Variants in MAP4 observed in about 807,000 individuals in gnomAD.
MAP4 encodes microtubule-associated protein 4.
In MAP4, 76 loss-of-function variants were observed where a neutral mutation model predicts 170.2. The observed-to-expected ratio is 0.45, with a 90% CI of 0.37 to 0.54. MAP4 has a LOEUF of 0.54. Ranked by LOEUF, MAP4 falls within the 20% of genes least tolerant of loss-of-function variation. The pLI is 0.00. For synonymous variants in MAP4, 909 were observed against 994.5 expected (o/e 0.91, Z 1.62); for missense variants, 2,506 against 2,748.0 (o/e 0.91, Z 1.97).
chr3:47,961,943 T>G (rs911293099), intron 3 of MAP4, among the ~76,000 whole-genome samples: 5 of 152,204 alleles, frequency 3.3e-5, no homozygotes, highest in African/African-American at 1.2e-4. Context: ...CCCTGCTGAT[T>G]GGAACAAGAT....
chr3:48,010,477 G>A (rs2154429391), intron 1 of MAP4, among the ~76,000 whole-genome samples: 1 of 152,230 alleles, frequency 6.6e-6, no homozygotes, highest in Non-Finnish European at 1.5e-5. Flanking sequence ...AATAGTATTT[G>A]GGTTGGGGAT....
rs185463226 is a variant in MAP4 at position 47,998,364 on chromosome 3, C to T, written c.223+274G>A. The stretch of plus-strand genomic sequence containing the variant: ...CAAAGCTACTTTCAGAGAAAAGGCA[C>T]AGTAGACAGTTTAATTTAGGAAATT... On this transcript the variant is annotated intron_variant, in intron 2 of 20. Transcript: ENST00000683076. Among the ~76,000 whole-genome samples, 68 of 152,198 alleles carry T rather than the reference C, an allele frequency of 4.5e-4. 1 individual carries two copies. Among genetic ancestry groups the T allele is most frequent in the Non-Finnish European group, 9.0e-4 (61 of 67,994 alleles).
intron 1 of MAP4, among the ~76,000 whole-genome samples, chr3:48,078,925 T>C (rs1308635669): frequency 1.3e-5 from 2 of 152,056 alleles, no homozygotes; most frequent in Non-Finnish European, 2.9e-5. Context: ...ATCCTCAGCA[T>C]GTTAGGAGGC....
At chr3:47,929,404 C>T (rs576471225) in intron 3 of MAP4, among the ~76,000 whole-genome samples, 58 of 151,976 alleles carry the variant, frequency 3.8e-4, no homozygotes, top group African/African-American at 1.3e-3. Flanking sequence ...AGGTTCAGAA[C>T]GTGGTACTGG....
At chr3:48,051,607 C>G (rs1360734946) in intron 1 of MAP4, among the ~76,000 whole-genome samples, 1 of 152,114 alleles carries the variant, frequency 6.6e-6, no homozygotes, top group Non-Finnish European at 1.5e-5. Flanking sequence ...GTCTATACAG[C>G]TATGTGAAGT....
intron 1 of MAP4, among the ~76,000 whole-genome samples, chr3:48,075,001 A>T (rs1029438398): frequency 2.9e-4 from 44 of 152,134 alleles, no homozygotes; most frequent in African/African-American, 1.0e-3. Context: ...AAAGTTGCCA[A>T]GTTAATCCTA....
chr3:48,040,008 C>T (rs2154530183), intron 1 of MAP4, among the ~76,000 whole-genome samples: 1 of 152,240 alleles, frequency 6.6e-6, no homozygotes, highest in South Asian at 2.1e-4. Flanking sequence ...CAGTCATTGG[C>T]TCTATAACTG....
At chr3:48,077,035 T>C (rs2100144287) in intron 1 of MAP4, among the ~76,000 whole-genome samples, 1 of 152,120 alleles carries the variant, frequency 6.6e-6, no homozygotes, top group South Asian at 2.1e-4. Context: ...CAATGCCAGC[T>C]ATCCAGAAGG....
intron 1 of MAP4, among the ~76,000 whole-genome samples, chr3:48,061,577 C>CA (rs1227017778): frequency 4.6e-5 from 7 of 152,216 alleles, no homozygotes; most frequent in African/African-American, 1.7e-4. Context: ...CTTGGCCTCC[C>CA]AAAGTGCCAA....
In MAP4 at chr3:47,928,147, T is replaced by C. The variant is rs1348195245; in HGVS notation, c.415+81A>G. 4 of 1,557,946 alleles carry C rather than the reference T, an allele frequency of 2.6e-6. No homozygotes were observed. In the Admixed American group the frequency reaches 7.0e-5, roughly 27 times the overall value. ...GTGATCTATACTTAAGCTAAAGCATTTTCATCTGAATGGTGGTTGTAGCTT... is the reference window on the plus strand; with the variant it reads ...GTGATCTATACTTAAGCTAAAGCATCTTCATCTGAATGGTGGTTGTAGCTT... On this transcript the variant is annotated intron_variant, in intron 4 of 20. Transcript: ENST00000683076.
At chr3:47,887,932 A>G (rs2097886505) in intron 10 of MAP4, among the ~76,000 whole-genome samples, 1 of 151,944 alleles carries the variant, frequency 6.6e-6, no homozygotes, top group South Asian at 2.1e-4. Context: ...GAATGCACCA[A>G]TCGACACTCT....
chr3:47,867,772 G>A (rs965836396), intron 16 of MAP4, among the ~76,000 whole-genome samples: 1 of 152,214 alleles, frequency 6.6e-6, no homozygotes, highest in Non-Finnish European at 1.5e-5. Flanking sequence ...CAAAGAGGGT[G>A]CTTCCCTTAA....
chr3:47,888,935 T>G (rs1170189828), intron 10 of MAP4, among the ~76,000 whole-genome samples: 2 of 152,206 alleles, frequency 1.3e-5, no homozygotes, highest in Non-Finnish European at 2.9e-5. Context: ...TGGACCAAGC[T>G]GAGCCAATAA....
chr3:47,867,463 C>A (rs1174628874), intron 16 of MAP4, 125 bp from the exon 17 acceptor site: 1 of 709,882 alleles, frequency 1.4e-6, no homozygotes, highest in East Asian at 2.6e-5. Flanking sequence ...AACCTCCACC[C>A]CCACCTTCTA....
chr3:47,909,001 C>A, intron 9 of MAP4, 37 bp downstream of exon 9: 1 of 1,577,724 alleles, frequency 6.3e-7, no homozygotes, highest in Non-Finnish European at 8.6e-7. Flanking sequence ...GACTCAAAAG[C>A]CACAAGCACA....
At chr3:47,889,740 A>G (rs1284418819) in intron 10 of MAP4, among the ~76,000 whole-genome samples, 2 of 152,202 alleles carry the variant, frequency 1.3e-5, no homozygotes, top group Non-Finnish European at 2.9e-5. Flanking sequence ...GGGGATCAAG[A>G]AAAAGATGAC....
chr3:47,959,688 G>A (rs1242629493), intron 3 of MAP4, among the ~76,000 whole-genome samples: 6 of 151,248 alleles, frequency 4.0e-5, no homozygotes, highest in African/African-American at 1.5e-4. Context: ...GAACCCGGGA[G>A]GTGGAGCATG....
At position 47,870,794 on chromosome 3, in the gene MAP4, C is replaced by T; in HGVS notation, c.6294+19G>A. The T allele has an allele frequency of 6.6e-7, 1 of 1,522,340 alleles. No homozygotes were observed. Among genetic ancestry groups the T allele is most frequent in the South Asian group, 1.3e-5 (1 of 76,030 alleles). 94.3% of individuals were successfully genotyped at this position (1,522,340 alleles called of 1,614,324 possible). ...ATGCAGGGGCCAGCATGCCAGGACC[C>T]CAAGCTCCCTGGACCCACCCGGCCT... On this transcript the variant is annotated intron_variant, in intron 15 of 20. Coordinates refer to ENST00000683076, the MANE Select transcript of MAP4 (RefSeq NM_001385682.1).
At position 47,882,963 on chromosome 3, in the gene MAP4, T is replaced by C. The variant is rs150044115; in HGVS notation, c.5435-5440A>G. Among the ~76,000 whole-genome samples, 8 of 151,972 alleles carry C rather than the reference T, an allele frequency of 5.3e-5. No homozygotes were observed. In the East Asian group the frequency reaches 9.7e-4, roughly 18 times the overall value. On this transcript the variant is annotated intron_variant, in intron 10 of 20. Transcript: ENST00000683076. ...CTGGGATTACACGTGTGCGCTACCA[T>C]GCTTGGCTAATTTTTCTTTTTATCT...
Sources: gnomAD v4.1 joint callset for allele counts (sites outside exome capture counted in the v4.1 genomes callset) on GRCh38, gnomAD v4.1.1 for gene constraint, MANE v1.5 for transcripts, NCBI Gene and HGNC (gene_info 2026-07-23, HGNC 2026-07-21) for gene names.